Variants in CHD9 observed in about 807,000 individuals in gnomAD.
CHD9 encodes ATP-dependent chromatin remodeler CHD9.
A neutral mutation model predicts 316.1 loss-of-function variants in CHD9; 77 were observed. That is an observed-to-expected ratio of 0.24 (90% confidence interval 0.20 to 0.29). The LOEUF (loss-of-function observed/expected upper bound fraction) is 0.29. Ranked by LOEUF, CHD9 falls within the 10% of genes least tolerant of loss-of-function variation. The pLI is 1.00. For synonymous variants in CHD9, 1,129 were observed against 1,158.3 expected, an observed-to-expected ratio of 0.97 and a Z score of 0.51; for missense variants, 2,763 against 3,438.1, an observed-to-expected ratio of 0.80 and a Z score of 4.91.
chr16:53,238,246 CTATTT>C, intron 11 of CHD9, 92 bp from the exon 12 acceptor site: 1 of 1,129,984 alleles, frequency 8.8e-7, no homozygotes. Context: ...ATAAATGCAA[CTATTT>C]TATTTGATCT....
At chr16:53,210,400 GGT>G (rs2046237328) in intron 3 of CHD9, among the ~76,000 whole-genome samples, 1 of 151,946 alleles carries the variant, frequency 6.6e-6, no homozygotes, top group Non-Finnish European at 1.5e-5. Flanking sequence ...AAAGAGGCCA[GGT>G]GAGGATTAAT....
intron 28 of CHD9, among the ~76,000 whole-genome samples, chr16:53,292,163 G>T (rs1198313636): frequency 6.6e-6 from 1 of 152,070 alleles, no homozygotes; most frequent in African/African-American, 2.4e-5. Context: ...ACTTCCTTCT[G>T]ATATCAAGAT....
At chr16:53,170,871 C>T (rs1208582246) in intron 2 of CHD9, among the ~76,000 whole-genome samples, 1 of 151,914 alleles carries the variant, frequency 6.6e-6, no homozygotes, top group Non-Finnish European at 1.5e-5. Context: ...TTTTTGAACA[C>T]TTATCATAAA....
chr16:53,077,354 C>A (rs751109792), intron 1 of CHD9, among the ~76,000 whole-genome samples: 6 of 151,104 alleles, frequency 4.0e-5, no homozygotes, highest in African/African-American at 1.2e-4. Flanking sequence ...GATGGGGTCT[C>A]GCTCTGTCGC....
At chr16:53,304,836 A>G (rs1432907323) in intron 31 of CHD9, among the ~76,000 whole-genome samples, 1 of 150,618 alleles carries the variant, frequency 6.6e-6, no homozygotes, top group Non-Finnish European at 1.5e-5. Flanking sequence ...CTGGGATTAC[A>G]GGCATGTGCC....
At chr16:53,170,331 T>C (rs2152778409) in intron 2 of CHD9, among the ~76,000 whole-genome samples, 1 of 152,330 alleles carries the variant, frequency 6.6e-6, no homozygotes, top group African/African-American at 2.4e-5. Flanking sequence ...TAAAAATTAA[T>C]GTGTTAAAAA....
At chr16:53,181,349 C>T (rs2043504293) in intron 2 of CHD9, among the ~76,000 whole-genome samples, 2 of 151,924 alleles carry the variant, frequency 1.3e-5, no homozygotes, top group South Asian at 4.1e-4. Context: ...TGAATTTTAA[C>T]TTTTGATTGA....
rs750599665 is a variant in CHD9 at position 53,296,980 on chromosome 16, C to T, written c.5535C>T (p.Asp1845=). ...QQRWTRREEA[D]FYRVVSTFGV... is the part of the protein sequence containing the mutation. ...GATGGACAAGAAGAGAAGAAGCTGA[C>T]TTTTATAGGGTTGTATCTACATTTG... is the stretch of plus-strand genomic sequence containing the variant. The change falls in exon 30 of 39, where the codon GAC becomes GAT. Residue 1845 remains aspartate (D), a synonymous_variant. Transcript: ENST00000447540. 154 of 1,612,942 alleles carry T rather than the reference C, an allele frequency of 9.5e-5. No homozygotes were observed. The highest frequency in any genetic ancestry group is 1.2e-4 in the Non-Finnish European group (147 of 1,179,492).
intron 20 of CHD9, among the ~76,000 whole-genome samples, chr16:53,266,899 C>A (rs1292867075): frequency 6.6e-6 from 1 of 151,964 alleles, no homozygotes; most frequent in African/African-American, 2.4e-5. Context: ...TTTGAATTTA[C>A]CTTTAGAATA....
chr16:53,303,577 T>G (rs1250753675), intron 30 of CHD9, 143 bp from the exon 31 acceptor site: 1 of 526,038 alleles, frequency 1.9e-6, no homozygotes, highest in East Asian at 3.7e-5. Flanking sequence ...GAAAAGAAAT[T>G]CTGGAAACTA....
chr16:53,231,126 T>C (rs972092428), intron 8 of CHD9, among the ~76,000 whole-genome samples: 1 of 152,230 alleles, frequency 6.6e-6, no homozygotes, highest in African/African-American at 2.4e-5. Flanking sequence ...CTTCAACTCT[T>C]GCAACCTGAG....
At chr16:53,241,735 C>G (rs2049114664) in intron 12 of CHD9, among the ~76,000 whole-genome samples, 1 of 152,224 alleles carries the variant, frequency 6.6e-6, no homozygotes, top group South Asian at 2.1e-4. Context: ...CTGACCACTT[C>G]TCATGAACTC....
At chr16:53,132,003 A>C (rs1380298924) in intron 1 of CHD9, among the ~76,000 whole-genome samples, 1 of 152,168 alleles carries the variant, frequency 6.6e-6, no homozygotes, top group Non-Finnish European at 1.5e-5. Flanking sequence ...GCCCAAAGCC[A>C]AGCACTACCC....
intron 30 of CHD9, among the ~76,000 whole-genome samples, chr16:53,300,352 CAAA>C (rs370852779): frequency 2.3e-5 from 3 of 131,354 alleles, no homozygotes; most frequent in African/African-American, 5.6e-5. Flanking sequence ...GACTCCGTCT[CAAA>C]AAAAAAAAAA....
At chr16:53,159,328 AG>A (rs1454914744) in intron 2 of CHD9, among the ~76,000 whole-genome samples, 1 of 152,212 alleles carries the variant, frequency 6.6e-6, no homozygotes, top group Non-Finnish European at 1.5e-5. Flanking sequence ...AATAGGTTTA[AG>A]TAGTGCAGTT....
intron 22 of CHD9, among the ~76,000 whole-genome samples, chr16:53,271,501 G>A (rs182777217): frequency 2.0e-5 from 3 of 151,762 alleles, no homozygotes; most frequent in South Asian, 2.1e-4. Context: ...CCTGGGAGGC[G>A]GAGGTTGCAG....
intron 3 of CHD9, among the ~76,000 whole-genome samples, chr16:53,210,522 A>G (rs2046247191): frequency 6.6e-6 from 1 of 152,090 alleles, no homozygotes; most frequent in African/African-American, 2.4e-5. Context: ...AGTAAATGTT[A>G]TAATTTGCTT....
At position 53,211,504 on chromosome 16, in the gene CHD9, C is replaced by T. The variant is rs140496998; in HGVS notation, c.1784+1691C>T. On this transcript the variant is annotated intron_variant, in intron 3 of 38. Coordinates refer to ENST00000447540, the MANE Select transcript of CHD9 (RefSeq NM_001308319.2). ...GGTAGCAAATTCTAGAAAACAAAAT[C>T]GATAAGAATTGTACTAGAAATTTTT... Among the ~76,000 whole-genome samples, 621 of 151,988 alleles carry T rather than the reference C, an allele frequency of 4.1e-3. 4 individuals carry two copies. Among genetic ancestry groups the T allele is most frequent in the African/African-American group, 0.014 (594 of 41,464 alleles).
chr16:53,075,665 A>G (rs6499234), intron 1 of CHD9, among the ~76,000 whole-genome samples: 102,886 of 152,022 alleles, frequency 0.68, 35,584 homozygotes, highest in African/African-American at 0.76. Flanking sequence ...CTGCTGCTAC[A>G]TAAGAAGTGC....
Sources: gnomAD v4.1 joint callset for allele counts (sites outside exome capture counted in the v4.1 genomes callset) on GRCh38, gnomAD v4.1.1 for gene constraint, MANE v1.5 for transcripts, NCBI Gene and HGNC (gene_info 2026-07-23, HGNC 2026-07-21) for gene names.